The following PKIG variants were observed in gnomAD, a reference collection of about 807,000 sequenced individuals.
PKIG encodes the protein protein kinase (cAMP-dependent, catalytic) inhibitor gamma.
PKIG carries 1 observed loss-of-function variant against 6.8 expected under a neutral mutation model. The ratio of observed to expected loss-of-function variants is 0.15; its 90% CI spans 0.05 to 0.69. PKIG has a LOEUF of 0.69. PKIG is among the 30% of genes least tolerant of loss of function. The probability of loss-of-function intolerance (pLI) is 0.82; values close to 1 mark genes in which losing one functional copy is unlikely to be tolerated. For synonymous variants in PKIG, 39 were observed against 43.0 expected (o/e 0.91, Z 0.36); for missense variants, 77 against 104.0 (o/e 0.74, Z 1.13).
chr20:44,552,583 G>A (rs2064678837), intron 1 of PKIG, among the ~76,000 whole-genome samples: 2 of 152,110 alleles, frequency 1.3e-5, no homozygotes, highest in Non-Finnish European at 2.9e-5. Flanking sequence ...AGGCACTTTT[G>A]AATCAAATCT....
At chr20:44,604,848 A>G (rs2065150334) in intron 2 of PKIG, among the ~76,000 whole-genome samples, 1 of 152,244 alleles carries the variant, frequency 6.6e-6, no homozygotes, top group Non-Finnish European at 1.5e-5. Context: ...TGTGAAAGAA[A>G]GAAGACTCAA....
chr20:44,550,250 T>C (rs2064655723), intron 1 of PKIG, among the ~76,000 whole-genome samples: 1 of 151,528 alleles, frequency 6.6e-6, no homozygotes, highest in Non-Finnish European at 1.5e-5. Context: ...AATTAAAAGA[T>C]AAAAATGAAA....
chr20:44,553,673 C>T (rs182672992), intron 1 of PKIG, among the ~76,000 whole-genome samples: 5 of 152,244 alleles, frequency 3.3e-5, no homozygotes, highest in African/African-American at 1.2e-4. Flanking sequence ...CTAATAAAAA[C>T]ATAGTGCCTG....
At chr20:44,580,385 G>T (rs1045206995), upstream of PKIG, among the ~76,000 whole-genome samples, 1 of 151,452 alleles carries the variant, frequency 6.6e-6, no homozygotes, top group South Asian at 2.1e-4. Flanking sequence ...TCTCACTGTC[G>T]CCCAAGCTGG....
intron 1 of PKIG, among the ~76,000 whole-genome samples, chr20:44,565,356 G>A (rs544697540): frequency 2.0e-5 from 3 of 152,340 alleles, no homozygotes; most frequent in Middle Eastern, 6.8e-3. Flanking sequence ...GCATGTATTG[G>A]TCAGGATTCT....
intron 2 of PKIG, among the ~76,000 whole-genome samples, chr20:44,593,453 C>T (rs2065051018): frequency 6.7e-6 from 1 of 149,582 alleles, no homozygotes; most frequent in Admixed American, 6.7e-5. Context: ...CTGACATTTG[C>T]AAAAACATGG....
At chr20:44,594,251 T>C (rs2065057430) in intron 2 of PKIG, among the ~76,000 whole-genome samples, 1 of 152,238 alleles carries the variant, frequency 6.6e-6, no homozygotes, top group Non-Finnish European at 1.5e-5. Context: ...GAGCATCTTG[T>C]CATGTGAGCC....
chr20:44,541,932 A>AC (rs886202509), intron 1 of PKIG, among the ~76,000 whole-genome samples: 6 of 150,820 alleles, frequency 4.0e-5, no homozygotes, highest in East Asian at 2.0e-4. Context: ...CAAATGATCC[A>AC]CCCCCCTCGG....
At chr20:44,588,546 A>C (rs2065009117) in intron 1 of PKIG, among the ~76,000 whole-genome samples, 1 of 152,136 alleles carries the variant, frequency 6.6e-6, no homozygotes, top group South Asian at 2.1e-4. Flanking sequence ...TGGGAGGCTG[A>C]GGCGGAAGAA....
intron 3 of PKIG, among the ~76,000 whole-genome samples, chr20:44,617,622 C>CT (rs2065277954): frequency 6.6e-6 from 1 of 152,096 alleles, no homozygotes; most frequent in Non-Finnish European, 1.5e-5. Context: ...ACCAAGATGT[C>CT]TGACAGGATG....
chr20:44,605,323 C>T (rs1195826666), intron 2 of PKIG, among the ~76,000 whole-genome samples: 6 of 146,334 alleles, frequency 4.1e-5, no homozygotes, highest in Non-Finnish European at 1.5e-5. Flanking sequence ...AGGAGAATGG[C>T]GTGAACCCAG....
At chr20:44,578,068 T>G (rs761927616), upstream of PKIG, among the ~76,000 whole-genome samples, 3 of 151,940 alleles carry the variant, frequency 2.0e-5, no homozygotes, top group Non-Finnish European at 1.5e-5. Flanking sequence ...TGGCCGGGCA[T>G]GGTGGCTCAT....
intron 1 of PKIG, among the ~76,000 whole-genome samples, chr20:44,545,166 C>T (rs1291280920): frequency 6.6e-6 from 1 of 151,994 alleles, no homozygotes; most frequent in Non-Finnish European, 1.5e-5. Flanking sequence ...GAACTCCTGA[C>T]CTCAGGTGAT....
intron 1 of PKIG, among the ~76,000 whole-genome samples, chr20:44,535,555 C>G (rs991346718): frequency 6.6e-6 from 1 of 152,144 alleles, no homozygotes; most frequent in Non-Finnish European, 1.5e-5. Flanking sequence ...GCAGGAGATT[C>G]TCTTCAACCT....
At chr20:44,577,234 C>A (rs570043231) in intron 1 of PKIG, among the ~76,000 whole-genome samples, 5 of 152,032 alleles carry the variant, frequency 3.3e-5, no homozygotes, top group Admixed American at 1.3e-4. Flanking sequence ...CTCAGCCTCC[C>A]GAGTAGCTGG....
intron 1 of PKIG, among the ~76,000 whole-genome samples, chr20:44,577,175 T>A (rs1240969690): frequency 6.6e-6 from 1 of 152,098 alleles, no homozygotes; most frequent in Non-Finnish European, 1.5e-5. Context: ...TGTGGCATGA[T>A]CTCATCTCAC....
At chr20:44,552,221 G>A (rs1465428902) in intron 1 of PKIG, among the ~76,000 whole-genome samples, 3 of 152,166 alleles carry the variant, frequency 2.0e-5, no homozygotes, top group African/African-American at 4.8e-5. Flanking sequence ...TTGTTTGCGC[G>A]TATTTCTCAA....
chr20:44,564,402 T>C (rs1280498121), intron 1 of PKIG: 3 of 152,228 alleles, frequency 2.0e-5, no homozygotes, highest in South Asian at 4.1e-4. Flanking sequence ...CCTAAGACTT[T>C]CTGCTACCGT....
chr20:44,592,152 C>CAT (rs1409478919), intron 2 of PKIG, among the ~76,000 whole-genome samples: 2 of 152,158 alleles, frequency 1.3e-5, no homozygotes, highest in Non-Finnish European at 2.9e-5. Context: ...TTATGAAGTA[C>CAT]ATATATATTA....
Sources: allele counts gnomAD v4.1 joint callset (sites outside exome capture counted in the v4.1 genomes callset), GRCh38; gene constraint gnomAD v4.1.1; transcripts MANE v1.5; gene names NCBI Gene and HGNC (gene_info 2026-07-23, HGNC 2026-07-21).